The following PCDHA5 variants were observed in gnomAD, a reference collection of about 807,000 sequenced individuals.
PCDHA5 encodes protocadherin alpha-5.
Under a neutral mutation model 61.6 loss-of-function variants are expected in PCDHA5, and 43 were observed. The ratio of observed to expected loss-of-function variants is 0.70; its 90% CI spans 0.55 to 0.90. The LOEUF is 0.90. Ranked by LOEUF, PCDHA5 falls within the 40% of genes least tolerant of loss-of-function variation. The pLI is 0.00. For missense variants in PCDHA5, 1,298 were observed against 1,222.7 expected (o/e 1.06, Z -0.92); for synonymous variants, 627 against 543.9 (o/e 1.15, Z -2.13).
At chr5:140,848,487 G>C (rs782524885) in intron 1 of PCDHA5, 2 of 1,574,380 alleles carry the variant, frequency 1.3e-6, no homozygotes, top group Non-Finnish European at 1.7e-6. Flanking sequence ...AGAAGACTGA[G>C]TATTTGAAAT....
chr5:140,966,962 G>A (rs370831122), intron 1 of PCDHA5: 1 of 1,602,750 alleles, frequency 6.2e-7, no homozygotes, highest in Non-Finnish European at 8.5e-7. Context: ...TCGCGCGCTG[G>A]GGCTTGAGCT....
intron 1 of PCDHA5, among the ~76,000 whole-genome samples, chr5:140,898,923 T>G (rs2067045385): frequency 6.6e-6 from 1 of 152,144 alleles, no homozygotes; most frequent in South Asian, 2.1e-4. Flanking sequence ...GTAAGTTGGA[T>G]TCCTAAGTAT....
intron 1 of PCDHA5, among the ~76,000 whole-genome samples, chr5:140,879,169 T>C (rs2057884518): frequency 6.6e-6 from 1 of 152,156 alleles, no homozygotes; most frequent in Non-Finnish European, 1.5e-5. Flanking sequence ...TTTTAATAAA[T>C]TAGGTATCAA....
chr5:140,845,177 C>T (rs1328451437), intron 1 of PCDHA5, among the ~76,000 whole-genome samples: 1 of 149,016 alleles, frequency 6.7e-6, no homozygotes, highest in East Asian at 1.9e-4. Context: ...TCATTTTAGT[C>T]CTTTAAAAAA....
intron 1 of PCDHA5, chr5:140,868,981 G>A: frequency 2.0e-6 from 3 of 1,492,274 alleles, no homozygotes; most frequent in South Asian, 2.8e-5. Flanking sequence ...CATCATACCG[G>A]ATGCCACCGT....
chr5:140,877,458 G>C, intron 1 of PCDHA5: 1 of 1,613,814 alleles, frequency 6.2e-7, no homozygotes, highest in Non-Finnish European at 8.5e-7. Context: ...TGACGTCCAC[G>C]GCCACGGTGC....
chr5:140,896,037 C>T (rs1373567434), intron 1 of PCDHA5, among the ~76,000 whole-genome samples: 1 of 152,156 alleles, frequency 6.6e-6, no homozygotes, highest in Non-Finnish European at 1.5e-5. Context: ...TCTCGAACTC[C>T]TGACCTCAGG....
chr5:140,903,513 T>C (rs2070347965), intron 1 of PCDHA5, among the ~76,000 whole-genome samples: 2 of 152,216 alleles, frequency 1.3e-5, no homozygotes, highest in South Asian at 2.1e-4. Flanking sequence ...AATAGTTCTA[T>C]TGTGTTGTTC....
At chr5:140,885,280 A>G (rs2060543465) in intron 1 of PCDHA5, among the ~76,000 whole-genome samples, 2 of 152,138 alleles carry the variant, frequency 1.3e-5, no homozygotes, top group Admixed American at 6.5e-5. Context: ...ATATATATAC[A>G]TATATAGAGA....
At chr5:140,952,705 T>C (rs2094784320) in intron 1 of PCDHA5, among the ~76,000 whole-genome samples, 1 of 152,160 alleles carries the variant, frequency 6.6e-6, no homozygotes, top group Non-Finnish European at 1.5e-5. Context: ...TATCCCACTC[T>C]CAGTATCAAT....
chr5:140,937,227 C>CG lies in PCDHA5; in HGVS notation c.2353-41718dup, dbSNP rs2091422712. Among the ~76,000 whole-genome samples the CG allele has an allele frequency of 2.0e-5, 3 of 151,930 alleles. No homozygotes were observed. The South Asian group carries it at 6.2e-4, about 32-fold the overall frequency. On this transcript the variant is annotated intron_variant, in intron 1 of 3. Transcript: ENST00000529859. Reference sequence around the variant, plus strand: ...TAATTTTTTGTATTTTTTGTAGAGACGGGGTTTCACCGTGTTAGCCAGGAT... The same window carrying CG: ...TAATTTTTTGTATTTTTTGTAGAGACGGGGGTTTCACCGTGTTAGCCAGGAT...
chr5:140,949,664 A>T (rs2094409163), intron 1 of PCDHA5, among the ~76,000 whole-genome samples: 1 of 151,578 alleles, frequency 6.6e-6, no homozygotes, highest in African/African-American at 2.4e-5. Context: ...TTGTTTCTTT[A>T]AAGTATGCCC....
chr5:140,878,420 A>G (rs2057587520), intron 1 of PCDHA5, among the ~76,000 whole-genome samples: 1 of 152,236 alleles, frequency 6.6e-6, no homozygotes, highest in African/African-American at 2.4e-5. Flanking sequence ...TATTTCAAGT[A>G]GGAATAGATA....
intron 1 of PCDHA5, chr5:140,926,908 G>A: frequency 6.4e-7 from 1 of 1,560,434 alleles, no homozygotes; most frequent in South Asian, 1.2e-5. Context: ...GGGCTGTGGG[G>A]TGGCAGTTTT....
rs190283736 is a variant in PCDHA5 at position 140,986,671 on chromosome 5, A to G, written c.2500+4108A>G. 1.7e-3 allele frequency among the ~76,000 whole-genome samples: 261 copies of G among 152,322 alleles called. 3 individuals carry two copies. The highest frequency in any genetic ancestry group is 2.2e-4 in the Non-Finnish European group (15 of 68,018). ...GTGGGAGATGCTCACAGTTTTCAGA[A>G]GAGTTCAGAAAGTTTCAAAACACAC... On this transcript the variant is annotated intron_variant, in intron 3 of 3. Coordinates refer to ENST00000529859, the MANE Select transcript of PCDHA5 (RefSeq NM_018908.3).
At chr5:140,959,099 G>T (rs1233693181) in intron 1 of PCDHA5, among the ~76,000 whole-genome samples, 1 of 152,078 alleles carries the variant, frequency 6.6e-6, no homozygotes, top group Non-Finnish European at 1.5e-5. Context: ...CGGACATTCA[G>T]CAGGGGTCCG....
Position 140,862,422 on chromosome 5 carries a change from A to G in PCDHA5, c.2352+38295A>G, listed in dbSNP as rs76178077. On this transcript the variant is annotated intron_variant, in intron 1 of 3. Transcript: ENST00000529859. Reference sequence around the variant, plus strand: ...TGTCTACCTTCAAAAGGCGCTGCCCAGAAACTATTCGTTGGTACTCCACAG... The same window carrying G: ...TGTCTACCTTCAAAAGGCGCTGCCCGGAAACTATTCGTTGGTACTCCACAG... The G allele has an allele frequency of 2.5e-3, 872 of 353,812 alleles. 5 individuals are homozygous for G. Among genetic ancestry groups the G allele is most frequent in the African/African-American group, 0.018 (823 of 46,772 alleles). The allele number at this position is 353,812 out of a possible 1,614,324, so 21.9% of individuals were successfully genotyped here.
At chr5:140,929,207 G>C (rs782298445) in intron 1 of PCDHA5, 2 of 1,613,988 alleles carry the variant, frequency 1.2e-6, no homozygotes, top group Admixed American at 1.7e-5. Context: ...TTGCTGTTGC[G>C]TGGGGAGTAC....
Position 140,822,225 on chromosome 5 carries a change from G to C in PCDHA5, c.450G>C (p.Arg150=). The change falls in exon 1 of 4, where the codon CGG becomes CGC. Residue 150 remains arginine (R), a synonymous_variant. Transcript: ENST00000529859. ...FILESRMPDS[R]FPLEGASDLD... is the part of the protein sequence containing the mutation. Reference sequence around the variant, plus strand: ...TAGAGTCAAGAATGCCAGATTCGCGGTTTCCGCTAGAGGGCGCGTCGGATT... The same window carrying C: ...TAGAGTCAAGAATGCCAGATTCGCGCTTTCCGCTAGAGGGCGCGTCGGATT... 6.2e-7 allele frequency: 1 copy of C among 1,614,254 alleles called. No homozygotes were observed. Among genetic ancestry groups the C allele is most frequent in the Non-Finnish European group, 8.5e-7 (1 of 1,180,044 alleles).
Sources: gnomAD v4.1 joint callset for allele counts (sites outside exome capture counted in the v4.1 genomes callset) on GRCh38, gnomAD v4.1.1 for gene constraint, MANE v1.5 for transcripts, NCBI Gene and HGNC (gene_info 2026-07-23, HGNC 2026-07-21) for gene names.